STXBP5L: variants seen among roughly 807,000 people sequenced by gnomAD.
The protein encoded by STXBP5L is syntaxin binding protein 5L, also known as syntaxin-binding protein 5-like.
In STXBP5L, 65 loss-of-function variants were observed where a neutral mutation model predicts 144.5. The observed-to-expected ratio is 0.45, with a 90% CI of 0.37 to 0.55. The LOEUF (loss-of-function observed/expected upper bound fraction) is 0.55, where lower values mean the gene tolerates loss of function less well. STXBP5L is among the 20% of genes least tolerant of loss of function. STXBP5L has a pLI of 0.00. For synonymous variants in STXBP5L, 505 were observed against 469.6 expected (o/e 1.08, Z -0.97); for missense variants, 1,298 against 1,405.5 (o/e 0.92, Z 1.22).
intron 22 of STXBP5L, among the ~76,000 whole-genome samples, chr3:121,400,543 TG>T (rs2108730369): frequency 6.6e-6 from 1 of 152,290 alleles, no homozygotes; most frequent in African/African-American, 2.4e-5. Context: ...GGTGGCAGGA[TG>T]GGGTCTTATT....
intron 3 of STXBP5L, among the ~76,000 whole-genome samples, chr3:120,983,856 C>G (rs1440345083): frequency 6.6e-6 from 1 of 152,164 alleles, no homozygotes; most frequent in Admixed American, 6.5e-5. Context: ...ACAATCCATT[C>G]AAAGTGTGTA....
intron 5 of STXBP5L, among the ~76,000 whole-genome samples, chr3:121,090,337 G>T (rs1166815169): frequency 2.0e-5 from 3 of 152,232 alleles, no homozygotes; most frequent in East Asian, 1.9e-4. Context: ...GCTGGGTGGG[G>T]TGGGATTTTT....
At chr3:121,045,364 A>G (rs929876968) in intron 4 of STXBP5L, 71 bp from the exon 5 acceptor site, 18 of 1,372,732 alleles carry the variant, frequency 1.3e-5, no homozygotes, top group Non-Finnish European at 1.7e-5. Flanking sequence ...TGAGTAAATT[A>G]GCTTGTTTGT....
intron 9 of STXBP5L, among the ~76,000 whole-genome samples, chr3:121,179,434 C>T (rs988523319): frequency 1.3e-5 from 2 of 152,110 alleles, no homozygotes; most frequent in Non-Finnish European, 2.9e-5. Flanking sequence ...CGTACATAAA[C>T]AGTCCAGTCA....
At chr3:121,409,846 A>G (rs2108746346) in intron 23 of STXBP5L, among the ~76,000 whole-genome samples, 1 of 151,934 alleles carries the variant, frequency 6.6e-6, no homozygotes, top group African/African-American at 2.4e-5. Context: ...ATAAATATTT[A>G]TGGGCCCTTT....
chr3:121,058,615 C>T (rs938234751), intron 5 of STXBP5L, among the ~76,000 whole-genome samples: 2 of 152,208 alleles, frequency 1.3e-5, no homozygotes, highest in Non-Finnish European at 2.9e-5. Flanking sequence ...GTTCCTATTT[C>T]TCCAAATCCT....
intron 2 of STXBP5L, among the ~76,000 whole-genome samples, chr3:120,947,817 A>G (rs1710955990): frequency 6.6e-6 from 1 of 151,810 alleles, no homozygotes; most frequent in South Asian, 2.1e-4. Context: ...ACAATATTCT[A>G]TTGTGTGGAT....
intron 3 of STXBP5L, among the ~76,000 whole-genome samples, chr3:120,984,570 C>T (rs1257332444): frequency 1.4e-5 from 2 of 146,742 alleles, no homozygotes; most frequent in East Asian, 2.0e-4. Flanking sequence ...ATCATATTAT[C>T]TGCAAACAGA....
At chr3:121,355,537 A>C (rs1204544818) in intron 20 of STXBP5L, among the ~76,000 whole-genome samples, 1 of 152,126 alleles carries the variant, frequency 6.6e-6, no homozygotes, top group Admixed American at 6.5e-5. Context: ...CAGCTCCATG[A>C]GGTCATTTAA....
intron 18 of STXBP5L, among the ~76,000 whole-genome samples, chr3:121,274,153 A>T (rs1359575735): frequency 6.6e-6 from 1 of 151,970 alleles, no homozygotes; most frequent in Non-Finnish European, 1.5e-5. Flanking sequence ...GTTTTTAGTG[A>T]ACTTGCATTG....
chr3:121,093,942 A>T (rs2042969521), intron 5 of STXBP5L, among the ~76,000 whole-genome samples: 1 of 151,688 alleles, frequency 6.6e-6, no homozygotes, highest in African/African-American at 2.4e-5. Context: ...CACTGCTTTA[A>T]ATGTGTCCCG....
intron 19 of STXBP5L, among the ~76,000 whole-genome samples, chr3:121,280,352 A>G (rs2051016841): frequency 6.6e-6 from 1 of 151,910 alleles, no homozygotes; most frequent in Admixed American, 6.6e-5. Flanking sequence ...CTTTAAAGAG[A>G]TAATTTTAGG....
intron 20 of STXBP5L, among the ~76,000 whole-genome samples, chr3:121,347,047 T>C (rs2045021841): frequency 6.6e-6 from 1 of 152,232 alleles, no homozygotes; most frequent in Non-Finnish European, 1.5e-5. Context: ...TCCTGAATGG[T>C]ATTGCCTAGG....
chr3:121,121,796 C>G, intron 7 of STXBP5L, 92 bp downstream of exon 7: 5 of 775,266 alleles, frequency 6.4e-6, no homozygotes, highest in Non-Finnish European at 1.0e-5. Flanking sequence ...AGTATCTAGC[C>G]CAGTTGATAG....
intron 5 of STXBP5L, among the ~76,000 whole-genome samples, chr3:121,092,585 T>C (rs1473364062): frequency 2.6e-5 from 4 of 152,222 alleles, no homozygotes; most frequent in Non-Finnish European, 5.9e-5. Flanking sequence ...CTGTTATTGG[T>C]GTATAAGAAT....
At chr3:121,239,825 T>A (rs1447342961) in intron 13 of STXBP5L, among the ~76,000 whole-genome samples, 1 of 151,234 alleles carries the variant, frequency 6.6e-6, no homozygotes. Flanking sequence ...AACCTGCGCA[T>A]TGTGCACATG....
At chr3:121,304,245 A>G (rs2043254382) in intron 19 of STXBP5L, among the ~76,000 whole-genome samples, 1 of 152,170 alleles carries the variant, frequency 6.6e-6, no homozygotes, top group African/African-American at 2.4e-5. Context: ...ATGAAGCAAA[A>G]ACTGTCAAAA....
chr3:120,974,880 C>T (rs1007920891), intron 3 of STXBP5L, among the ~76,000 whole-genome samples: 1 of 152,124 alleles, frequency 6.6e-6, no homozygotes, highest in Non-Finnish European at 1.5e-5. Context: ...TCTGAGGGCT[C>T]TGTTCTGTTC....
intron 20 of STXBP5L, among the ~76,000 whole-genome samples, chr3:121,321,654 CT>C (rs1174077318): frequency 1.3e-5 from 2 of 152,256 alleles, no homozygotes; most frequent in African/African-American, 4.8e-5. Context: ...AATCACTGCC[CT>C]ATGAAACATT....
Sources: gnomAD v4.1 joint callset for allele counts (sites outside exome capture counted in the v4.1 genomes callset) on GRCh38, gnomAD v4.1.1 for gene constraint, MANE v1.5 for transcripts, NCBI Gene and HGNC (gene_info 2026-07-23, HGNC 2026-07-21) for gene names.